PRDM5: variants seen among roughly 807,000 people sequenced by gnomAD.
The protein encoded by PRDM5 is PR/SET domain 5, also known as PR domain zinc finger protein 5.
PRDM5 carries 56 observed loss-of-function variants against 81.2 expected under a neutral mutation model. The ratio of observed to expected loss-of-function variants is 0.69; its 90% CI spans 0.56 to 0.86. The LOEUF (loss-of-function observed/expected upper bound fraction) is 0.86, where lower values mean the gene tolerates loss of function less well. Ranked by LOEUF, PRDM5 falls within the 40% of genes least tolerant of loss-of-function variation. The pLI is 0.00. For missense variants in PRDM5, 697 were observed against 770.1 expected (o/e 0.91, Z 1.12); for synonymous variants, 267 against 256.4 (o/e 1.04, Z -0.39).
chr4:120,795,241 G>A (rs1751182095), intron 10 of PRDM5, among the ~76,000 whole-genome samples: 1 of 152,128 alleles, frequency 6.6e-6, no homozygotes, highest in South Asian at 2.1e-4. Context: ...GCCAGCTCTA[G>A]GATCCAAGAT....
chr4:120,884,755 A>G (rs995663478), intron 2 of PRDM5, among the ~76,000 whole-genome samples: 1 of 152,166 alleles, frequency 6.6e-6, no homozygotes, highest in African/African-American at 2.4e-5. Context: ...AAATTTATTC[A>G]TATACCTACT....
intron 14 of PRDM5, among the ~76,000 whole-genome samples, chr4:120,734,636 AC>A (rs965436734): frequency 5.2e-4 from 79 of 151,802 alleles, no homozygotes; most frequent in Admixed American, 3.9e-3. Context: ...CTTCAGTGCC[AC>A]CTCCCTGTTT....
intron 5 of PRDM5, among the ~76,000 whole-genome samples, chr4:120,817,800 G>T (rs1457733877): frequency 6.6e-6 from 1 of 151,960 alleles, no homozygotes; most frequent in Non-Finnish European, 1.5e-5. Context: ...AATAAAAAAG[G>T]GTACAGAGCT....
In PRDM5 at chr4:120,693,718, T is replaced by G. The variant is rs1181984579; in HGVS notation, c.*1393A>C. 6.6e-6 allele frequency: 1 copy of G among 152,170 alleles called. No homozygotes were observed. Among genetic ancestry groups the G allele is most frequent in the Non-Finnish European group, 1.5e-5 (1 of 68,022 alleles). The allele number at this position is 152,170 out of a possible 1,614,324, so 9.4% of individuals were successfully genotyped here. ...GTCTCAGATAACCTTTCTCCTTAAC[T>G]CATTAGAACCAAATAACTTCCTTAA... On this transcript the variant is annotated 3_prime_UTR_variant, in exon 16 of 16. Transcript: ENST00000264808.
intron 2 of PRDM5, among the ~76,000 whole-genome samples, chr4:120,859,081 C>T (rs1299628848): frequency 6.6e-6 from 1 of 152,102 alleles, no homozygotes; most frequent in Non-Finnish European, 1.5e-5. Flanking sequence ...GTTCTTTATA[C>T]CAGTGGGTAT....
At chr4:120,887,395 G>A (rs981522786) in intron 2 of PRDM5, among the ~76,000 whole-genome samples, 1 of 152,114 alleles carries the variant, frequency 6.6e-6, no homozygotes, top group Non-Finnish European at 1.5e-5. Flanking sequence ...TACAGCAACA[G>A]ACATCTAGGT....
intron 11 of PRDM5, among the ~76,000 whole-genome samples, chr4:120,783,310 C>A (rs1030364309): frequency 2.0e-5 from 3 of 151,946 alleles, no homozygotes; most frequent in South Asian, 4.1e-4. Context: ...ATTTTCCTGG[C>A]CAAATGTCAC....
At chr4:120,897,870 T>G (rs991169001) in intron 2 of PRDM5, among the ~76,000 whole-genome samples, 1 of 152,216 alleles carries the variant, frequency 6.6e-6, no homozygotes, top group South Asian at 2.1e-4. Flanking sequence ...TGCTAGAGTA[T>G]AACAGTCATG....
chr4:120,767,390 A>G (rs1312409944), intron 13 of PRDM5, among the ~76,000 whole-genome samples: 1 of 152,230 alleles, frequency 6.6e-6, no homozygotes, highest in Non-Finnish European at 1.5e-5. Flanking sequence ...AGGAAAAACC[A>G]TAAACTGGAG....
intron 14 of PRDM5, among the ~76,000 whole-genome samples, chr4:120,734,637 C>T (rs1314028352): frequency 1.3e-5 from 2 of 152,056 alleles, no homozygotes; most frequent in Admixed American, 1.3e-4. Context: ...TTCAGTGCCA[C>T]CTCCCTGTTT....
intron 14 of PRDM5, among the ~76,000 whole-genome samples, chr4:120,714,304 C>G (rs985516433): frequency 2.6e-5 from 4 of 152,026 alleles, no homozygotes; most frequent in African/African-American, 9.7e-5. Context: ...ATATAATAGA[C>G]TAATTTTACT....
At chr4:120,756,221 A>G (rs984306376) in intron 13 of PRDM5, among the ~76,000 whole-genome samples, 3 of 152,108 alleles carry the variant, frequency 2.0e-5, no homozygotes, top group African/African-American at 7.2e-5. Context: ...TTGAGCCCCA[A>G]TCTCCATGTA....
intron 11 of PRDM5, among the ~76,000 whole-genome samples, chr4:120,784,208 T>C (rs987175953): frequency 3.3e-5 from 5 of 152,094 alleles, no homozygotes; most frequent in Non-Finnish European, 7.4e-5. Context: ...AGGGATATCC[T>C]TTAGTGATAT....
intron 11 of PRDM5, among the ~76,000 whole-genome samples, chr4:120,782,066 A>G (rs527608022): frequency 2.6e-5 from 4 of 151,866 alleles, no homozygotes; most frequent in African/African-American, 9.7e-5. Flanking sequence ...TAACTTTCAT[A>G]TAATGCTATT....
intron 10 of PRDM5, among the ~76,000 whole-genome samples, chr4:120,788,911 C>G (rs146025410): frequency 6.6e-6 from 1 of 152,334 alleles, no homozygotes; most frequent in East Asian, 1.9e-4. Flanking sequence ...AAGTAAGGCA[C>G]AGTAAGATGC....
At chr4:120,741,438 T>C (rs1251886579) in intron 14 of PRDM5, among the ~76,000 whole-genome samples, 1 of 151,716 alleles carries the variant, frequency 6.6e-6, no homozygotes, top group Non-Finnish European at 1.5e-5. Context: ...GATGGCCGAA[T>C]AGGAACAGCT....
At chr4:120,733,001 C>A in intron 14 of PRDM5, among the ~76,000 whole-genome samples, 1 of 152,156 alleles carries the variant, frequency 6.6e-6, no homozygotes, top group East Asian at 1.9e-4. Context: ...ATAGCAAATA[C>A]CTACAGCCTT....
intron 15 of PRDM5, among the ~76,000 whole-genome samples, chr4:120,702,478 A>G (rs575750116): frequency 2.0e-5 from 3 of 152,180 alleles, no homozygotes; most frequent in Non-Finnish European, 4.4e-5. Flanking sequence ...TTTCCTTAAC[A>G]ACACTTTCCT....
At chr4:120,747,595 C>T (rs1225279230) in intron 14 of PRDM5, among the ~76,000 whole-genome samples, 1 of 152,166 alleles carries the variant, frequency 6.6e-6, no homozygotes, top group African/African-American at 2.4e-5. Flanking sequence ...CAGAGACTCA[C>T]AGTCTCACTG....
Sources: gnomAD v4.1 joint callset for allele counts (sites outside exome capture counted in the v4.1 genomes callset) on GRCh38, gnomAD v4.1.1 for gene constraint, MANE v1.5 for transcripts, NCBI Gene and HGNC (gene_info 2026-07-23, HGNC 2026-07-21) for gene names.